Variants in TNFAIP8 observed in about 807,000 individuals in gnomAD.
TNFAIP8 encodes TNF alpha induced protein 8.
Under a neutral mutation model 13.3 loss-of-function variants are expected in TNFAIP8, and 7 were observed. That is an observed-to-expected ratio of 0.52 (90% CI 0.30 to 0.99). The LOEUF (loss-of-function observed/expected upper bound fraction) is 0.99. Among genes scored for constraint, TNFAIP8 ranks in the 50% least tolerant of loss-of-function variants. The pLI, the probability that TNFAIP8 is intolerant of heterozygous loss-of-function variation, is 0.07. For synonymous variants in TNFAIP8, 94 were observed against 87.6 expected (o/e 1.07, Z -0.41); for missense variants, 258 against 236.9 (o/e 1.09, Z -0.58).
chr5:119,353,909 T>G (rs892216263), upstream of TNFAIP8, among the ~76,000 whole-genome samples: 2 of 152,218 alleles, frequency 1.3e-5, no homozygotes, highest in African/African-American at 4.8e-5. Context: ...TTTACCCCAA[T>G]TATAGATCAG....
intron 1 of TNFAIP8, among the ~76,000 whole-genome samples, chr5:119,271,316 A>G (rs1457829083): frequency 6.6e-6 from 1 of 152,142 alleles, no homozygotes; most frequent in Admixed American, 6.5e-5. Context: ...CACAGAGGTG[A>G]TCTTTAAAGT....
At chr5:119,389,902 A>T (rs528962900) in intron 1 of TNFAIP8, among the ~76,000 whole-genome samples, 1 of 152,232 alleles carries the variant, frequency 6.6e-6, no homozygotes, top group African/African-American at 2.4e-5. Flanking sequence ...TAAATGGGGA[A>T]TGATCTTGCT....
intron 1 of TNFAIP8, among the ~76,000 whole-genome samples, chr5:119,308,964 T>C (rs915358571): frequency 9.2e-5 from 14 of 152,118 alleles, no homozygotes; most frequent in Non-Finnish European, 2.1e-4. Context: ...TTATCTATCA[T>C]AGCCTGGTAA....
chr5:119,340,968 G>A (rs760237943), intron 1 of TNFAIP8, among the ~76,000 whole-genome samples: 8 of 152,036 alleles, frequency 5.3e-5, no homozygotes, highest in South Asian at 2.1e-4. Flanking sequence ...TTGTGGGAGC[G>A]GTGCACATGA....
At chr5:119,289,934 AT>A (rs1748930423) in intron 1 of TNFAIP8, among the ~76,000 whole-genome samples, 1 of 152,240 alleles carries the variant, frequency 6.6e-6, no homozygotes, top group Non-Finnish European at 1.5e-5. Flanking sequence ...ATTCAAAACC[AT>A]TATGAAGTCA....
chr5:119,311,284 A>G (rs1210576740), intron 1 of TNFAIP8, among the ~76,000 whole-genome samples: 2 of 151,608 alleles, frequency 1.3e-5, no homozygotes, highest in African/African-American at 4.8e-5. Context: ...TTGGCCTCCC[A>G]AAGTGCTGAG....
At chr5:119,366,714 C>G (rs1168992296) in intron 1 of TNFAIP8, among the ~76,000 whole-genome samples, 2 of 152,164 alleles carry the variant, frequency 1.3e-5, no homozygotes, top group African/African-American at 4.8e-5. Context: ...CGGGGGGTTT[C>G]CCTCATTAAC....
At chr5:119,341,228 T>A (rs10059215) in intron 1 of TNFAIP8, among the ~76,000 whole-genome samples, 1 of 151,798 alleles carries the variant, frequency 6.6e-6, no homozygotes, top group Non-Finnish European at 1.5e-5. Context: ...AGCGAGAGAT[T>A]GCTTATTTGT....
In TNFAIP8 at chr5:119,393,216, G is replaced by T. The variant is rs1752967283; in HGVS notation, c.432G>T (p.Gln144His). 3.1e-6 allele frequency: 5 copies of T among 1,614,006 alleles called. No individual in the cohort carries two copies. The highest frequency in any genetic ancestry group is 4.2e-6 in the Non-Finnish European group (5 of 1,179,896). ...GAGAGATGCTGCACCAAATCATTCA[G>T]CGCCACCTCACTGCCAAGTCACATG... ...ECREMLHQIIQRHLTAKSHGR... is the reference protein window; with the variant it reads ...ECREMLHQIIHRHLTAKSHGR... The change falls in exon 2 of 2, where the codon CAG (glutamine) becomes CAT (histidine). Residue 144 changes from glutamine to histidine, a missense_variant. Gln to His is a conservative substitution (Grantham distance 24). Transcript: ENST00000504771.
chr5:119,293,825 T>C (rs1388325833), intron 1 of TNFAIP8, among the ~76,000 whole-genome samples: 1 of 152,216 alleles, frequency 6.6e-6, no homozygotes, highest in Non-Finnish European at 1.5e-5. Flanking sequence ...ATACTCTTTC[T>C]ACTTTCATGA....
intron 1 of TNFAIP8, among the ~76,000 whole-genome samples, chr5:119,281,827 TAGG>T (rs1748639939): frequency 6.6e-6 from 1 of 152,232 alleles, no homozygotes; most frequent in Non-Finnish European, 1.5e-5. Flanking sequence ...GTAGATTTAA[TAGG>T]AGGGGATCAT....
At chr5:119,296,522 G>C (rs912838464) in intron 1 of TNFAIP8, among the ~76,000 whole-genome samples, 1 of 152,018 alleles carries the variant, frequency 6.6e-6, no homozygotes, top group Admixed American at 6.5e-5. Context: ...GTTGGATTTG[G>C]TTTGCCAGTA....
intron 1 of TNFAIP8, among the ~76,000 whole-genome samples, chr5:119,290,923 G>T (rs1217077153): frequency 6.6e-6 from 1 of 152,176 alleles, no homozygotes; most frequent in Non-Finnish European, 1.5e-5. Flanking sequence ...AGGGGTCAGG[G>T]CCTGTAGGGT....
chr5:119,311,645 C>A (rs965585078), intron 1 of TNFAIP8, among the ~76,000 whole-genome samples: 4 of 127,724 alleles, frequency 3.1e-5, no homozygotes, highest in Non-Finnish European at 6.3e-5. Context: ...GCCAAAATTG[C>A]GCCACTGCAC....
intron 1 of TNFAIP8, among the ~76,000 whole-genome samples, chr5:119,318,759 C>T (rs1219934020): frequency 1.3e-5 from 2 of 150,668 alleles, no homozygotes; most frequent in Non-Finnish European, 2.9e-5. Context: ...TTGACTCCAG[C>T]GTAATGCAGT....
intron 1 of TNFAIP8, among the ~76,000 whole-genome samples, chr5:119,342,491 T>C (rs1183654521): frequency 2.0e-5 from 3 of 152,188 alleles, no homozygotes; most frequent in Non-Finnish European, 4.4e-5. Context: ...CAAAGCCACT[T>C]AAAGCTGTGC....
intron 1 of TNFAIP8, among the ~76,000 whole-genome samples, chr5:119,282,781 C>T (rs1474923204): frequency 6.6e-6 from 1 of 152,162 alleles, no homozygotes; most frequent in African/African-American, 2.4e-5. Context: ...CAGACAGGCC[C>T]TTTCTTCCTT....
chr5:119,355,616 A>G (rs1581637138), upstream of TNFAIP8: 6 of 560,364 alleles, frequency 1.1e-5, no homozygotes, highest in South Asian at 2.3e-5. Context: ...ATACAGAGGC[A>G]TTGGTTCTAC....
exon 1 of TNFAIP8, chr5:119,268,836 C>G (rs1748169201): frequency 1.4e-6 from 1 of 702,968 alleles, no homozygotes; most frequent in African/African-American, 1.8e-5. Flanking sequence ...ACCGAGAGAG[C>G]AGAGAACTCG....
Sources: gnomAD v4.1 joint callset for allele counts (sites outside exome capture counted in the v4.1 genomes callset) on GRCh38, gnomAD v4.1.1 for gene constraint, MANE v1.5 for transcripts, NCBI Gene and HGNC (gene_info 2026-07-23, HGNC 2026-07-21) for gene names.